KIAA0825: variants seen among roughly 807,000 people sequenced by gnomAD.
The protein encoded by KIAA0825 is uncharacterized protein KIAA0825.
A neutral mutation model predicts 147.6 loss-of-function variants in KIAA0825; 119 were observed. That is an observed-to-expected ratio of 0.81 (90% CI 0.69 to 0.94). The LOEUF (loss-of-function observed/expected upper bound fraction) is 0.94. KIAA0825 is among the 40% of genes least tolerant of loss of function. KIAA0825 has a pLI of 0.00. For missense variants in KIAA0825, 1,381 were observed against 1,472.7 expected (o/e 0.94, Z 1.02); for synonymous variants, 470 against 518.1 (o/e 0.91, Z 1.26).
chr5:94,476,913 T>C (rs1761961973), intron 7 of KIAA0825, among the ~76,000 whole-genome samples, 198 bp downstream of exon 7: 1 of 152,080 alleles, frequency 6.6e-6, no homozygotes, highest in Non-Finnish European at 1.5e-5. Flanking sequence ...TCCCATGGAA[T>C]AGATTTTATA....
intron 20 of KIAA0825, among the ~76,000 whole-genome samples, chr5:94,268,655 T>C (rs1457927462): frequency 6.6e-6 from 1 of 152,160 alleles, no homozygotes; most frequent in East Asian, 1.9e-4. Flanking sequence ...AAAGGATTAC[T>C]GGTCATGCTC....
At chr5:94,420,972 T>A (rs1484150688) in intron 14 of KIAA0825, among the ~76,000 whole-genome samples, 1 of 152,162 alleles carries the variant, frequency 6.6e-6, no homozygotes, top group Non-Finnish European at 1.5e-5. Context: ...ATCCACTGTA[T>A]CCTTTCTTTT....
chr5:94,556,145 T>A (rs970276754), intron 2 of KIAA0825, among the ~76,000 whole-genome samples: 3 of 152,056 alleles, frequency 2.0e-5, no homozygotes, highest in African/African-American at 7.2e-5. Flanking sequence ...CTCCGCCTCC[T>A]GGATTCGAGC....
rs1426609020 is a variant in KIAA0825 at position 94,384,470 on chromosome 5, T to C, written c.3620-12A>G. The C allele has an allele frequency of 1.3e-6, 2 of 1,544,382 alleles. No individual in the cohort carries two copies. Among genetic ancestry groups the C allele is most frequent in the Non-Finnish European group, 1.8e-6 (2 of 1,140,230 alleles). Reference sequence around the variant, plus strand: ...CCATTTTGTGATGGCTGACTGTTGATAAATGAGAAGACACTATTGTTAGTT... The same window carrying C: ...CCATTTTGTGATGGCTGACTGTTGACAAATGAGAAGACACTATTGTTAGTT... On this transcript the variant is annotated splice_polypyrimidine_tract_variant and intron_variant, in intron 19 of 20. Transcript: ENST00000682413.
chr5:94,584,221 T>C (rs895116014), intron 1 of KIAA0825, among the ~76,000 whole-genome samples: 1 of 152,130 alleles, frequency 6.6e-6, no homozygotes, highest in Non-Finnish European at 1.5e-5. Context: ...CTTCAGAAGG[T>C]TGGTAATAAC....
intron 20 of KIAA0825, among the ~76,000 whole-genome samples, chr5:94,274,531 G>T (rs147826457): frequency 1.2e-4 from 18 of 152,134 alleles, no homozygotes; most frequent in African/African-American, 4.3e-4. Context: ...CTGTCCTTAA[G>T]GAGCTTACAG....
At chr5:94,403,224 G>A (rs1210681826) in intron 16 of KIAA0825, among the ~76,000 whole-genome samples, 2 of 152,108 alleles carry the variant, frequency 1.3e-5, no homozygotes, top group Non-Finnish European at 2.9e-5. Context: ...GAATATCAGA[G>A]CAAATTTCTC....
chr5:94,386,539 T>C, intron 18 of KIAA0825, 135 bp from the exon 19 acceptor site: 1 of 695,132 alleles, frequency 1.4e-6, no homozygotes, highest in East Asian at 2.7e-5. Context: ...CAGGGAAGAA[T>C]ATATTTTCAG....
intron 14 of KIAA0825, among the ~76,000 whole-genome samples, chr5:94,422,906 G>A (rs1754382435): frequency 6.6e-6 from 1 of 152,140 alleles, no homozygotes; most frequent in South Asian, 2.1e-4. Context: ...CCATTAATGT[G>A]AGTCACACTT....
chr5:94,516,789 CAAAA>C (rs1163048649), intron 5 of KIAA0825, among the ~76,000 whole-genome samples: 2 of 53,658 alleles, frequency 3.7e-5, no homozygotes, highest in Non-Finnish European at 7.3e-5. Flanking sequence ...GACTCCGTCT[CAAAA>C]AAAAAAAAAA....
chr5:94,454,398 T>A (rs893381067), intron 12 of KIAA0825, among the ~76,000 whole-genome samples: 1 of 152,170 alleles, frequency 6.6e-6, no homozygotes, highest in African/African-American at 2.4e-5. Context: ...CTGACCCTTC[T>A]CTCCCCCTGG....
At chr5:94,540,375 TG>T (rs1773043219) in intron 2 of KIAA0825, among the ~76,000 whole-genome samples, 1 of 152,210 alleles carries the variant, frequency 6.6e-6, no homozygotes, top group African/African-American at 2.4e-5. Context: ...CAAACTTTGC[TG>T]CAAGTCCCTG....
At chr5:94,556,080 T>C (rs1054784116) in intron 2 of KIAA0825, among the ~76,000 whole-genome samples, 7 of 150,966 alleles carry the variant, frequency 4.6e-5, no homozygotes, top group Non-Finnish European at 8.8e-5. Context: ...TGAGACAGAG[T>C]CTCACTCTGT....
intron 20 of KIAA0825, among the ~76,000 whole-genome samples, chr5:94,253,688 T>C (rs1562335898): frequency 6.6e-6 from 1 of 152,084 alleles, no homozygotes; most frequent in Non-Finnish European, 1.5e-5. Flanking sequence ...CAACATCATA[T>C]ATTTTTGTTT....
At chr5:94,577,569 T>C (rs1189676357) in intron 2 of KIAA0825, among the ~76,000 whole-genome samples, 1 of 152,248 alleles carries the variant, frequency 6.6e-6, no homozygotes, top group Non-Finnish European at 1.5e-5. Flanking sequence ...TCCCAGGGCA[T>C]CCTTTTAACT....
At chr5:94,603,621 TAA>T (rs1389686434) in intron 1 of KIAA0825, among the ~76,000 whole-genome samples, 2 of 151,990 alleles carry the variant, frequency 1.3e-5, no homozygotes, top group African/African-American at 2.4e-5. Flanking sequence ...TTAAAAGACA[TAA>T]GAGTGGCAAG....
At chr5:94,214,880 A>G (rs931475069) in intron 20 of KIAA0825, among the ~76,000 whole-genome samples, 2 of 152,208 alleles carry the variant, frequency 1.3e-5, no homozygotes, top group African/African-American at 4.8e-5. Flanking sequence ...ACAAACAAAC[A>G]ACAAAACAAA....
intron 20 of KIAA0825, among the ~76,000 whole-genome samples, chr5:94,219,632 A>C (rs183956205): frequency 9.0e-4 from 137 of 152,322 alleles, no homozygotes; most frequent in African/African-American, 3.2e-3. Context: ...TATATAGTAT[A>C]GTGTATTGCT....
chr5:94,432,657 C>T (rs61174820), intron 14 of KIAA0825, among the ~76,000 whole-genome samples: 17,360 of 152,120 alleles, frequency 0.11, 1,169 homozygotes, highest in East Asian at 0.27. Flanking sequence ...CAGCCTATGA[C>T]ATCATTGTTA....
Sources: gnomAD v4.1 joint callset for allele counts (sites outside exome capture counted in the v4.1 genomes callset) on GRCh38, gnomAD v4.1.1 for gene constraint, MANE v1.5 for transcripts, NCBI Gene and HGNC (gene_info 2026-07-23, HGNC 2026-07-21) for gene names.